Variants in SPATA13 observed in about 807,000 individuals in gnomAD.
The protein encoded by SPATA13 is spermatogenesis associated 13, also known as spermatogenesis-associated protein 13.
Under a neutral mutation model 104.0 loss-of-function variants are expected in SPATA13, and 50 were observed. That is an observed-to-expected ratio of 0.48 (90% CI 0.38 to 0.61). SPATA13 has a LOEUF of 0.61. Ranked by LOEUF, SPATA13 falls within the 20% of genes least tolerant of loss-of-function variation. The probability of loss-of-function intolerance (pLI) is 0.00; values close to 1 mark genes in which losing one functional copy is unlikely to be tolerated. For synonymous variants in SPATA13, 606 were observed against 667.5 expected (o/e 0.91, Z 1.42); for missense variants, 1,524 against 1,690.6 (o/e 0.90, Z 1.73).
chr13:24,198,589 CT>C (rs1364934561), intron 1 of SPATA13, among the ~76,000 whole-genome samples: 1 of 152,168 alleles, frequency 6.6e-6, no homozygotes, highest in Non-Finnish European at 1.5e-5. Flanking sequence ...AATCTTCATT[CT>C]TGTGGCAGTT....
chr13:24,042,099 T>A (rs9580838), intron 3 of SPATA13, among the ~76,000 whole-genome samples: 2 of 152,006 alleles, frequency 1.3e-5, no homozygotes, highest in Middle Eastern at 3.2e-3. Flanking sequence ...GCAAGCTCCC[T>A]TCAGGCACAT....
At chr13:24,297,138 A>C (rs1372208761) in intron 10 of SPATA13, among the ~76,000 whole-genome samples, 1 of 152,116 alleles carries the variant, frequency 6.6e-6, no homozygotes, top group Non-Finnish European at 1.5e-5. Context: ...TCCTGGGCTC[A>C]GGGGATCCTC....
intron 3 of SPATA13, among the ~76,000 whole-genome samples, chr13:24,115,015 A>C (rs1009329830): frequency 6.6e-6 from 1 of 152,130 alleles, no homozygotes; most frequent in Non-Finnish European, 1.5e-5. Context: ...CTCTGACAGG[A>C]GGAATTTCCA....
chr13:24,277,465 AG>A lies in SPATA13; in HGVS notation c.2165-6669del, dbSNP rs1384380175. On this transcript the variant is annotated intron_variant, in intron 4 of 12. Transcript: ENST00000382108. ...TCTCAAAAAAAAAAAAAAAAAAAGA[AG>A]AAGTTCACCTTGGAAGTAATATATA... 3.0e-3 allele frequency among the ~76,000 whole-genome samples: 320 copies of A among 105,142 alleles called. 9 individuals carry two copies. Among genetic ancestry groups the A allele is most frequent in the East Asian group, 5.0e-3 (20 of 3,964 alleles). The allele number at this position is 105,142 out of a possible 152,430, so 69.0% of individuals were successfully genotyped here. A position where few individuals can be genotyped will look rare whatever the true frequency, so the allele number is the denominator to read the frequency against.
chr13:24,050,737 A>AC (rs1878309525), intron 3 of SPATA13, among the ~76,000 whole-genome samples: 3 of 152,360 alleles, frequency 2.0e-5, no homozygotes, highest in Non-Finnish European at 1.5e-5. Context: ...GGCACCATGC[A>AC]TAATGCTGAC....
At chr13:24,040,185 G>A (rs1877864648) in intron 3 of SPATA13, among the ~76,000 whole-genome samples, 1 of 152,224 alleles carries the variant, frequency 6.6e-6, no homozygotes, top group African/African-American at 2.4e-5. Context: ...CCCTATGCCA[G>A]CAAAACCAGA....
chr13:24,022,937 CT>C (rs150612649), intron 3 of SPATA13, among the ~76,000 whole-genome samples: 84 of 151,488 alleles, frequency 5.5e-4, no homozygotes, highest in African/African-American at 1.7e-3. Context: ...CTTGAATCTT[CT>C]TTTTTTTTAT....
chr13:24,139,264 C>T (rs896976514), intron 3 of SPATA13, among the ~76,000 whole-genome samples: 2 of 152,202 alleles, frequency 1.3e-5, no homozygotes, highest in Non-Finnish European at 2.9e-5. Flanking sequence ...CGGGTCCACC[C>T]TACTCCAGTA....
chr13:24,144,025 A>T (rs1312817138), intron 3 of SPATA13, among the ~76,000 whole-genome samples: 1 of 152,182 alleles, frequency 6.6e-6, no homozygotes, highest in African/African-American at 2.4e-5. Context: ...AAGCACGTAG[A>T]GTGGGGAGAA....
chr13:24,053,257 T>C (rs1878425710), intron 3 of SPATA13, among the ~76,000 whole-genome samples: 1 of 152,098 alleles, frequency 6.6e-6, no homozygotes, highest in African/African-American at 2.4e-5. Context: ...AGAGCTAGGA[T>C]TCGGCCTCAG....
chr13:24,164,463 A>G (rs925369843), intron 1 of SPATA13, among the ~76,000 whole-genome samples: 4 of 152,218 alleles, frequency 2.6e-5, no homozygotes, highest in African/African-American at 7.2e-5. Flanking sequence ...TGAGGCAGGC[A>G]TCCTATGTGA....
intron 3 of SPATA13, among the ~76,000 whole-genome samples, chr13:24,080,653 G>A (rs750106710): frequency 2.6e-5 from 4 of 152,128 alleles, no homozygotes; most frequent in Non-Finnish European, 5.9e-5. Flanking sequence ...AGATTTCATC[G>A]GTGGCCTTGA....
intron 2 of SPATA13, among the ~76,000 whole-genome samples, chr13:24,006,051 C>T (rs1876210705): frequency 1.3e-5 from 2 of 152,326 alleles, no homozygotes; most frequent in South Asian, 4.1e-4. Flanking sequence ...TGCAAGCAGC[C>T]GGAGGTGCCT....
intron 10 of SPATA13, 90 bp downstream of exon 10, chr13:24,294,958 A>G: frequency 7.4e-7 from 1 of 1,348,346 alleles, no homozygotes; most frequent in South Asian, 1.5e-5. Flanking sequence ...TCCTGTGGTC[A>G]ATATCTTATA....
At chr13:24,290,538 GTCCA>G (rs1258808131) in intron 8 of SPATA13, 110 bp from the exon 9 acceptor site, 26 of 788,038 alleles carry the variant, frequency 3.3e-5, no homozygotes, top group Non-Finnish European at 5.4e-5. Context: ...TCTTGCAGTA[GTCCA>G]TCTTCCTCCT....
intron 1 of SPATA13, among the ~76,000 whole-genome samples, chr13:24,193,765 G>A (rs1869899499): frequency 1.3e-5 from 2 of 152,188 alleles, no homozygotes; most frequent in Admixed American, 1.3e-4. Context: ...TAGGGTTAGT[G>A]TGGAAACGTA....
At chr13:24,108,944 GCT>G (rs1055925205) in intron 3 of SPATA13, among the ~76,000 whole-genome samples, 2 of 152,140 alleles carry the variant, frequency 1.3e-5, no homozygotes, top group Non-Finnish European at 2.9e-5. Flanking sequence ...CCACACTCCA[GCT>G]CTCTCTTTTA....
Position 24,284,209 on chromosome 13 carries a change from G to A in SPATA13, c.2239G>A (p.Asp747Asn). 1 of 1,613,792 alleles carries A rather than the reference G, an allele frequency of 6.2e-7. No individual in the cohort carries two copies. The highest frequency in any genetic ancestry group is 8.5e-7 in the Non-Finnish European group (1 of 1,179,896). The change falls in exon 5 of 13, where the codon GAC becomes AAC. Residue 747 changes from aspartate to asparagine, a missense_variant. Physicochemically the swap from Asp to Asn is conservative, Grantham distance 23 (BLOSUM62 1). Around this residue, in one of 2 missense-constraint regions of SPATA13, gnomAD observed 1,089 missense variants for 1,135.9 expected, o/e 0.96. Coordinates refer to ENST00000382108, the MANE Select transcript of SPATA13 (RefSeq NM_001166271.3). ...NGSEEDFSYEDLCQASPRYLQ... is the reference protein window; with the variant it reads ...NGSEEDFSYENLCQASPRYLQ... ...TAGTGAGGAGGACTTCAGCTATGAA[G>A]ACCTCTGCCAGGCCAGCCCTCGGTA...
In SPATA13 at chr13:24,127,048, T is replaced by C. The variant is rs529818058; in HGVS notation, c.-111-95771T>C. 1.7e-3 allele frequency among the ~76,000 whole-genome samples: 253 copies of C among 152,318 alleles called. 1 individual carries two copies. Among genetic ancestry groups the C allele is most frequent in the Non-Finnish European group, 3.4e-3 (233 of 68,030 alleles). ...GAGACCAGTTCCGAGGTTTGTATAA[T>C]GAAGTTAGTAATATTACCTCCTTAA... On this transcript the variant is annotated intron_variant, in intron 3 of 14. Transcript: ENST00000424834.
Sources: gnomAD v4.1 joint callset for allele counts (sites outside exome capture counted in the v4.1 genomes callset) on GRCh38, gnomAD v4.1.1 for gene constraint, gnomAD v4.1.1 regional missense constraint, MANE v1.5 for transcripts, NCBI Gene and HGNC (gene_info 2026-07-23, HGNC 2026-07-21) for gene names.